Variants in KAZN observed in about 807,000 individuals in gnomAD.
KAZN encodes the protein kazrin, periplakin interacting protein.
In KAZN, 40 loss-of-function variants were observed where a neutral mutation model predicts 87.4. The ratio of observed to expected loss-of-function variants is 0.46; its 90% CI spans 0.36 to 0.60. KAZN has a LOEUF of 0.60. KAZN is among the 20% of genes least tolerant of loss of function. KAZN has a pLI of 0.00. For missense variants in KAZN, 898 were observed against 1,073.9 expected, an observed-to-expected ratio of 0.84 and a Z score of 2.29; for synonymous variants, 466 against 458.3, an observed-to-expected ratio of 1.02 and a Z score of -0.22.
At chr1:14,064,873 G>T (rs1191981112) in intron 1 of KAZN, among the ~76,000 whole-genome samples, 1 of 152,172 alleles carries the variant, frequency 6.6e-6, no homozygotes. Context: ...GCTTGTCCAG[G>T]CCAGTCCCCA....
intron 2 of KAZN, among the ~76,000 whole-genome samples, chr1:14,198,771 GTTTA>G (rs1053891666): frequency 3.3e-5 from 5 of 152,276 alleles, no homozygotes; most frequent in South Asian, 2.1e-4. Flanking sequence ...CTGTACATAT[GTTTA>G]TTTATTCCAT....
In KAZN at chr1:15,056,306, A is replaced by T; in HGVS notation, c.916+26A>T. 1.9e-6 allele frequency: 3 copies of T among 1,576,800 alleles called. No individual in the cohort carries two copies. The highest frequency in any genetic ancestry group is 2.6e-6 in the Non-Finnish European group (3 of 1,154,012). ...GTGAGTCCTGCCCTGGCCTGGCTCC[A>T]CCACGGCTTCGAGGGGCTTCACAGG... On this transcript the variant is annotated intron_variant, in intron 5 of 14. Coordinates refer to ENST00000376030, the MANE Select transcript of KAZN (RefSeq NM_201628.3). The surrounding 1 kb of genome is among the most constrained non-coding windows in gnomAD (Gnocchi z 5.4).
At chr1:14,146,447 A>T (rs1278548455) in intron 1 of KAZN, among the ~76,000 whole-genome samples, 3 of 150,782 alleles carry the variant, frequency 2.0e-5, no homozygotes, top group African/African-American at 7.3e-5. Flanking sequence ...GAGGCAGGAG[A>T]ATTGTTTGAA....
intron 2 of KAZN, among the ~76,000 whole-genome samples, chr1:14,342,439 A>C (rs575465645): frequency 1.4e-4 from 22 of 152,300 alleles, no homozygotes; most frequent in African/African-American, 4.6e-4. Context: ...TATTGTACTA[A>C]TTTATGGCAC....
At chr1:14,705,621 A>G (rs1642166850) in intron 1 of KAZN, among the ~76,000 whole-genome samples, 1 of 152,230 alleles carries the variant, frequency 6.6e-6, no homozygotes, top group South Asian at 2.1e-4. Flanking sequence ...AAATCCTGCC[A>G]TTAGAGGCTA....
chr1:14,475,722 T>C (rs757354278), intron 2 of KAZN, among the ~76,000 whole-genome samples: 1 of 152,224 alleles, frequency 6.6e-6, no homozygotes, highest in Non-Finnish European at 1.5e-5. Flanking sequence ...TGAGTATGTG[T>C]GAATAATTAA....
At chr1:14,266,629 A>C (rs1651492863) in intron 2 of KAZN, among the ~76,000 whole-genome samples, 1 of 152,236 alleles carries the variant, frequency 6.6e-6, no homozygotes, top group Admixed American at 6.5e-5. Flanking sequence ...GTTCAGGGTC[A>C]ATGGTAGTCA....
chr1:15,110,908 C>T (rs527296815), intron 13 of KAZN, among the ~76,000 whole-genome samples: 1 of 152,326 alleles, frequency 6.6e-6, no homozygotes, highest in African/African-American at 2.4e-5. Context: ...TGCTAGTGTT[C>T]CAAGAGCTGG....
At chr1:14,319,013 TATTTA>T (rs1655857131) in intron 2 of KAZN, among the ~76,000 whole-genome samples, 1 of 24,010 alleles carries the variant, frequency 4.2e-5, no homozygotes, top group African/African-American at 7.1e-5. Flanking sequence ...CTTTTATTTT[TATTTA>T]TTTATTTATT....
intron 2 of KAZN, among the ~76,000 whole-genome samples, chr1:14,406,794 G>C (rs1048815962): frequency 2.0e-5 from 3 of 152,182 alleles, no homozygotes; most frequent in African/African-American, 7.2e-5. Context: ...TGGATGCCCT[G>C]TGGCCCAGTC....
At chr1:14,048,989 T>C (rs1642192600) in intron 1 of KAZN, among the ~76,000 whole-genome samples, 1 of 152,212 alleles carries the variant, frequency 6.6e-6, no homozygotes, top group Non-Finnish European at 1.5e-5. Context: ...GGTATCTCAC[T>C]GTGCTGCTAT....
At chr1:14,487,043 T>G (rs997598937) in intron 2 of KAZN, among the ~76,000 whole-genome samples, 1 of 152,206 alleles carries the variant, frequency 6.6e-6, no homozygotes, top group South Asian at 2.1e-4. Context: ...CTAGATGAGA[T>G]TCCATAAATC....
intron 2 of KAZN, among the ~76,000 whole-genome samples, chr1:14,997,795 C>A (rs1359427610): frequency 1.3e-5 from 2 of 152,120 alleles, no homozygotes; most frequent in African/African-American, 2.4e-5. Flanking sequence ...CCACTGGGGC[C>A]TCACAGAGCA....
intron 2 of KAZN, among the ~76,000 whole-genome samples, chr1:14,504,818 A>G (rs1670463831): frequency 6.6e-6 from 1 of 152,224 alleles, no homozygotes. Context: ...GGCCAAACTC[A>G]TGTTCAGGTG....
chr1:15,060,428 C>T, intron 6 of KAZN, 126 bp downstream of exon 6: 1 of 1,252,634 alleles, frequency 8.0e-7, no homozygotes. Flanking sequence ...CTGGCGAATG[C>T]ATTTCCTGTT....
Position 14,392,974 on chromosome 1 carries a change from C to T in KAZN, c.250-206009C>T, listed in dbSNP as rs114373466. Reference sequence around the variant, plus strand: ...GCTTTCTTTCTGCTCTAGGGACTTCCTTCCATGGTGCAGTGGTCAATAAAT... The same window carrying T: ...GCTTTCTTTCTGCTCTAGGGACTTCTTTCCATGGTGCAGTGGTCAATAAAT... On this transcript the variant is annotated intron_variant, in intron 2 of 16. Transcript: ENST00000636203. 3.0e-3 allele frequency among the ~76,000 whole-genome samples: 455 copies of T among 152,252 alleles called. 3 individuals carry two copies. The highest frequency in any genetic ancestry group is 1.0e-2 in the African/African-American group (414 of 41,540).
chr1:15,017,367 T>C (rs1353280717), intron 2 of KAZN, among the ~76,000 whole-genome samples: 1 of 152,222 alleles, frequency 6.6e-6, no homozygotes, highest in Non-Finnish European at 1.5e-5. Flanking sequence ...GAGCAAGTTT[T>C]TGTTGAATAA....
chr1:14,274,389 G>T (rs1033553997), intron 2 of KAZN, among the ~76,000 whole-genome samples: 1 of 151,996 alleles, frequency 6.6e-6, no homozygotes, highest in Non-Finnish European at 1.5e-5. Flanking sequence ...ACCATGTTTC[G>T]CATGCAAAGT....
intron 1 of KAZN, among the ~76,000 whole-genome samples, chr1:14,108,545 G>A (rs936508745): frequency 2.0e-5 from 3 of 152,152 alleles, no homozygotes; most frequent in African/African-American, 7.2e-5. Context: ...GGCAGGTGGT[G>A]GGCCAGACTT....
Sources: gnomAD v4.1 joint callset for allele counts (sites outside exome capture counted in the v4.1 genomes callset) on GRCh38, gnomAD v4.1.1 for gene constraint, Gnocchi (gnomAD v3.1) non-coding constraint, MANE v1.5 for transcripts, NCBI Gene and HGNC (gene_info 2026-07-23, HGNC 2026-07-21) for gene names.